TEX11: variants seen among roughly 807,000 people sequenced by gnomAD.
The protein encoded by TEX11 is testis expressed 11.
Under a neutral mutation model 84.4 loss-of-function variants are expected in TEX11, and 7 were observed. The observed-to-expected ratio is 0.08, with a 90% CI of 0.05 to 0.16. The LOEUF (loss-of-function observed/expected upper bound fraction) is 0.16, where lower values mean the gene tolerates loss of function less well. Among genes scored for constraint, TEX11 ranks in the 10% least tolerant of loss-of-function variants. The pLI, the probability that TEX11 is intolerant of heterozygous loss-of-function variation, is 1.00. For missense variants in TEX11, 551 were observed against 660.5 expected, an observed-to-expected ratio of 0.83 and a Z score of 1.82; for synonymous variants, 264 against 222.8, an observed-to-expected ratio of 1.18 and a Z score of -1.64.
chrX:70,532,233 G>A (rs930553464), intron 28 of TEX11, among the ~76,000 whole-genome samples: 1 of 112,359 alleles, frequency 8.9e-6, no homozygotes, highest in Middle Eastern at 4.6e-3. Flanking sequence ...TATGTGGAAC[G>A]TTTGCTAACA....
intron 9 of TEX11, among the ~76,000 whole-genome samples, chrX:70,777,296 G>C (rs1462382144): frequency 1.8e-5 from 2 of 111,826 alleles, no homozygotes; most frequent in Non-Finnish European, 3.8e-5. Flanking sequence ...AAAATGTAGA[G>C]GGGAAGGAAT....
At chrX:70,553,540 A>T (rs958073311) in intron 26 of TEX11, 126 bp from the exon 27 acceptor site, 2 of 416,998 alleles carry the variant, frequency 4.8e-6, no homozygotes, top group Non-Finnish European at 4.1e-6. Context: ...ATAAACAACA[A>T]TGAATTTTAT....
chrX:70,549,190 A>G (rs766604473), intron 28 of TEX11, among the ~76,000 whole-genome samples: 1 of 111,318 alleles, frequency 9.0e-6, no homozygotes, highest in East Asian at 2.9e-4. Flanking sequence ...CTTGAAGGGA[A>G]GGACCCAGTC....
intron 25 of TEX11, among the ~76,000 whole-genome samples, chrX:70,570,185 T>C (rs1174953510): frequency 8.9e-6 from 1 of 111,984 alleles, no homozygotes; most frequent in Non-Finnish European, 1.9e-5. Context: ...TCAGTGAGAC[T>C]CTGTGGGCAT....
intron 25 of TEX11, among the ~76,000 whole-genome samples, chrX:70,574,409 C>T (rs1434648956): frequency 9.0e-6 from 1 of 111,515 alleles, no homozygotes; most frequent in East Asian, 2.8e-4. Flanking sequence ...GAAACCTGCC[C>T]TTCTCTGCTC....
chrX:70,777,089 G>A (rs1442063007), intron 9 of TEX11, among the ~76,000 whole-genome samples: 2 of 106,199 alleles, frequency 1.9e-5, no homozygotes, highest in African/African-American at 6.8e-5. Context: ...TGTTGCCCAG[G>A]CTGGTCTTGA....
chrX:70,843,103 T>C (rs183941355), intron 7 of TEX11, among the ~76,000 whole-genome samples: 1 of 111,814 alleles, frequency 8.9e-6, no homozygotes, highest in Non-Finnish European at 1.9e-5. Context: ...TACCAACAAC[T>C]TTCTTCACAG....
intron 13 of TEX11, among the ~76,000 whole-genome samples, chrX:70,709,940 T>C (rs2090411588): frequency 9.0e-6 from 1 of 111,298 alleles, no homozygotes; most frequent in Non-Finnish European, 1.9e-5. Context: ...GCAATGTCAA[T>C]CTGATCTCCC....
chrX:70,712,521 G>A (rs1247689036), intron 13 of TEX11, among the ~76,000 whole-genome samples: 4 of 111,180 alleles, frequency 3.6e-5, no homozygotes, highest in Non-Finnish European at 7.5e-5. Context: ...TTGAAAGTTG[G>A]ATTCCTAGGT....
intron 28 of TEX11, among the ~76,000 whole-genome samples, chrX:70,547,139 A>G (rs1281576364): frequency 9.1e-6 from 1 of 109,619 alleles, no homozygotes; most frequent in Non-Finnish European, 1.9e-5. Context: ...GAGGCCACGT[A>G]TTATATAATT....
intron 9 of TEX11, among the ~76,000 whole-genome samples, chrX:70,805,904 T>C (rs748338230): frequency 5.0e-4 from 56 of 112,075 alleles, no homozygotes; most frequent in Admixed American, 1.9e-3. Flanking sequence ...TATTTCCAGA[T>C]AAAGCACAAC....
chrX:70,763,578 G>A lies in TEX11; in HGVS notation c.693-19359C>T, dbSNP rs1198491415. ...TCATGTAACCAAAAACTACCTGTTCGAAAAAAAAAACTATTGAAATAAAAT... is the reference window on the plus strand; with the variant it reads ...TCATGTAACCAAAAACTACCTGTTCAAAAAAAAAAACTATTGAAATAAAAT... On this transcript the variant is annotated intron_variant, in intron 9 of 29. Transcript: ENST00000374333. 4.9e-5 allele frequency among the ~76,000 whole-genome samples: 5 copies of A among 102,348 alleles called. No individual in the cohort carries two copies. In the East Asian group the frequency reaches 9.0e-4, roughly 19 times the overall value. 88.9% of individuals were successfully genotyped at this position (102,348 alleles called of 115,157 possible). A position where few individuals can be genotyped will look rare whatever the true frequency, so the allele number is the denominator to read the frequency against.
intron 20 of TEX11, among the ~76,000 whole-genome samples, chrX:70,614,142 C>T (rs1221663333): frequency 9.0e-6 from 1 of 111,263 alleles, no homozygotes; most frequent in African/African-American, 3.3e-5. Context: ...TGAGAGACTC[C>T]TTCTGCTTGA....
In TEX11 at chrX:70,606,943, A is replaced by T. The variant is rs756831814; in HGVS notation, c.1950+16T>A. 1 of 1,135,500 alleles carries T rather than the reference A, an allele frequency of 8.8e-7. No homozygotes were observed. Among genetic ancestry groups the T allele is most frequent in the Non-Finnish European group, 1.2e-6 (1 of 837,584 alleles). The allele number at this position is 1,135,500 out of a possible 1,213,427, so 93.6% of individuals were successfully genotyped here. A position where few individuals can be genotyped will look rare whatever the true frequency, so the allele number is the denominator to read the frequency against. On this transcript the variant is annotated intron_variant, in intron 23 of 29. Transcript: ENST00000374333. ...GTTGTGGTCCATACATGAGATACTT[A>T]TTAAAAGAAACTTACCTTATAAGAA...
chrX:70,679,507 C>T (rs752333428), intron 14 of TEX11, among the ~76,000 whole-genome samples: 88 of 105,856 alleles, frequency 8.3e-4, no homozygotes, highest in African/African-American at 3.0e-3. Context: ...CGCCTCTTCC[C>T]GGCCGCCATC....
intron 3 of TEX11, among the ~76,000 whole-genome samples, chrX:70,874,119 C>T (rs954519186): frequency 1.8e-5 from 2 of 110,840 alleles, no homozygotes; most frequent in Non-Finnish European, 3.8e-5. Context: ...TCATGTGATG[C>T]CTGCTCCCTT....
At chrX:70,786,953 G>A (rs1034933520) in intron 9 of TEX11, among the ~76,000 whole-genome samples, 2 of 110,761 alleles carry the variant, frequency 1.8e-5, no homozygotes, top group African/African-American at 3.3e-5. Flanking sequence ...TGACCAACTT[G>A]GAGAAACCCC....
Position 70,534,090 on chromosome X carries a change from C to CAA in TEX11, c.2521-4093_2521-4092dup, listed in dbSNP as rs1168310559. Reference sequence around the variant, plus strand: ...CTGGTGACAGAGCGAGACTCCATCTCAAAAAAAAAAAAAAAAAAAAAAAAA... The same window carrying CAA: ...CTGGTGACAGAGCGAGACTCCATCTCAAAAAAAAAAAAAAAAAAAAAAAAAAA... On this transcript the variant is annotated intron_variant, in intron 28 of 29. Transcript: ENST00000374333. Among the ~76,000 whole-genome samples the CAA allele has an allele frequency of 1.1e-3, 24 of 21,729 alleles. 1 individual carries two copies. The highest frequency in any genetic ancestry group is 4.7e-3 in the African/African-American group (22 of 4,635). The allele number at this position is 21,729 out of a possible 115,157, so 18.9% of individuals were successfully genotyped here.
At chrX:70,731,117 C>T (rs1197513690) in intron 11 of TEX11, among the ~76,000 whole-genome samples, 2 of 111,792 alleles carry the variant, frequency 1.8e-5, no homozygotes, top group African/African-American at 3.2e-5. Flanking sequence ...AGAACAAAGA[C>T]GCAACATACC....
Sources: gnomAD v4.1 joint callset for allele counts (sites outside exome capture counted in the v4.1 genomes callset) on GRCh38, gnomAD v4.1.1 for gene constraint, MANE v1.5 for transcripts, NCBI Gene and HGNC (gene_info 2026-07-23, HGNC 2026-07-21) for gene names.